Variants in ATG2B observed in about 807,000 individuals in gnomAD.
The protein encoded by ATG2B is autophagy-related protein 2 homolog B.
ATG2B carries 121 observed loss-of-function variants against 241.3 expected under a neutral mutation model. The ratio of observed to expected loss-of-function variants is 0.50; its 90% CI spans 0.43 to 0.58. The LOEUF is 0.58. Among genes scored for constraint, ATG2B ranks in the 20% least tolerant of loss-of-function variants. ATG2B has a pLI of 0.00. For synonymous variants in ATG2B, 858 were observed against 876.6 expected, an observed-to-expected ratio of 0.98 and a Z score of 0.37; for missense variants, 2,306 against 2,491.6, an observed-to-expected ratio of 0.93 and a Z score of 1.59.
chr14:96,350,487 T>C (rs1412887942), intron 1 of ATG2B, among the ~76,000 whole-genome samples: 1 of 152,192 alleles, frequency 6.6e-6, no homozygotes, highest in African/African-American at 2.4e-5. Context: ...AAAGTACTAG[T>C]GATCCCATTA....
intron 32 of ATG2B, 72 bp from the exon 33 acceptor site, chr14:96,303,327 A>C (rs1886848465): frequency 7.2e-6 from 9 of 1,248,074 alleles, no homozygotes; most frequent in Non-Finnish European, 9.6e-6. Flanking sequence ...TTTCTCTTTA[A>C]AATGCAAAAT....
At position 96,363,119 on chromosome 14, in the gene ATG2B, G is replaced by A. The variant is rs1888727371; in HGVS notation, c.-143C>T. 1.1e-6 allele frequency: 1 copy of A among 910,322 alleles called. No individual in the cohort carries two copies. The highest frequency in any genetic ancestry group is 2.5e-5 in the East Asian group (1 of 39,304). The allele number at this position is 910,322 out of a possible 1,614,324, so 56.4% of individuals were successfully genotyped here. On this transcript the variant is annotated 5_prime_UTR_variant, in exon 1 of 42. Transcript: ENST00000359933. ...CTATTTGGTGCCGGGAGTCCCTCAGGGAGACCCCATCGCCGGCGCCGCACC... is the reference window on the plus strand; with the variant it reads ...CTATTTGGTGCCGGGAGTCCCTCAGAGAGACCCCATCGCCGGCGCCGCACC...
chr14:96,362,220 C>CAGA (rs1432991799), intron 1 of ATG2B, among the ~76,000 whole-genome samples: 2 of 152,118 alleles, frequency 1.3e-5, no homozygotes, highest in African/African-American at 2.4e-5. Flanking sequence ...CTACTAGGGC[C>CAGA]AGACGACCAT....
chr14:96,336,872 T>C (rs187258043), intron 6 of ATG2B, among the ~76,000 whole-genome samples: 1 of 152,280 alleles, frequency 6.6e-6, no homozygotes, highest in East Asian at 1.9e-4. Flanking sequence ...CTTTTGACAT[T>C]GTAAAAGGAT....
At chr14:96,349,989 C>G (rs373190846) in intron 1 of ATG2B, among the ~76,000 whole-genome samples, 1 of 152,026 alleles carries the variant, frequency 6.6e-6, no homozygotes, top group East Asian at 1.9e-4. Context: ...AACCCTGACT[C>G]TACAAGAAAT....
intron 28 of ATG2B, among the ~76,000 whole-genome samples, chr14:96,310,196 AAAT>A (rs1887112027): frequency 6.6e-6 from 1 of 152,232 alleles, no homozygotes; most frequent in South Asian, 2.1e-4. Context: ...GGATAATTTA[AAAT>A]AAGAAGAATG....
Position 96,328,540 on chromosome 14 carries a change from T to TA in ATG2B, c.1975-6dup, listed in dbSNP as rs542534443. 42,877 of 992,496 alleles carry TA rather than the reference T, an allele frequency of 0.043. 2 individuals carry two copies. The highest frequency in any genetic ancestry group is 0.075 in the South Asian group (4,176 of 55,752). 61.5% of individuals were successfully genotyped at this position (992,496 alleles called of 1,614,324 possible). A position where few individuals can be genotyped will look rare whatever the true frequency, so the allele number is the denominator to read the frequency against. On this transcript the variant is annotated splice_polypyrimidine_tract_variant and splice_region_variant and intron_variant, in intron 13 of 41. Transcript: ENST00000359933. ...ACTAAGTCTTGCTTGATTACCCTTT[T>TA]AAAAAAAAAAAAGAAAAGGCATTAA... is the stretch of plus-strand genomic sequence containing the variant.
chr14:96,318,466 A>T (rs1188438494), intron 18 of ATG2B, among the ~76,000 whole-genome samples: 4 of 152,162 alleles, frequency 2.6e-5, no homozygotes, highest in Non-Finnish European at 5.9e-5. Flanking sequence ...TTCTTTTTTT[A>T]AGGCAAGTAT....
At chr14:96,350,985 T>A (rs1888302851) in intron 1 of ATG2B, among the ~76,000 whole-genome samples, 1 of 152,218 alleles carries the variant, frequency 6.6e-6, no homozygotes. Flanking sequence ...TTCTCCCTTA[T>A]GTACTGTCTA....
At chr14:96,322,076 G>A (rs1352458630) in intron 18 of ATG2B, 36 bp downstream of exon 18, 4 of 1,446,160 alleles carry the variant, frequency 2.8e-6, no homozygotes. Flanking sequence ...TAGAAAATCT[G>A]ATTCCAAAGA....
Position 96,303,139 on chromosome 14 carries a change from A to C in ATG2B, c.4959T>G (p.Arg1653=). The C allele has an allele frequency of 6.2e-7, 1 of 1,613,204 alleles. No individual in the cohort carries two copies. The highest frequency in any genetic ancestry group is 1.1e-5 in the South Asian group (1 of 90,834). The change falls in exon 33 of 42, where the codon CGT becomes CGG. Residue 1653 remains arginine, a synonymous_variant. Coordinates refer to ENST00000359933, the MANE Select transcript of ATG2B (RefSeq NM_018036.7). ...ATTTATTCATTTGTGATGTTGCCAA[A>C]CGATCTCGAATCTCAAGATCCTGAA... The part of the protein sequence containing the change: ...FIVQDLEIRD[R]LATSQMNKFL...
Position 96,316,649 on chromosome 14 carries a change from C to A in ATG2B, c.3245G>T (p.Gly1082Val). 6.2e-7 allele frequency: 1 copy of A among 1,610,640 alleles called. No individual in the cohort carries two copies. Among genetic ancestry groups the A allele is most frequent in the Non-Finnish European group, 8.5e-7 (1 of 1,178,988 alleles). Residue 1082 changes from glycine (G) to valine (V), a missense_variant, in exon 21 of 42, where the codon GGT (glycine) becomes GTT (valine). Transcript: ENST00000359933. ...ACTATTGAACTCTAACCAGAATTCA[C>A]CATGCTTGTTTTCCAACAGATCTCC... is the stretch of plus-strand genomic sequence containing the variant. ...DNGDLLENKH[G>V]EFWLEFNSGS...
intron 1 of ATG2B, among the ~76,000 whole-genome samples, chr14:96,352,814 T>C (rs1888366136): frequency 6.6e-6 from 1 of 152,066 alleles, no homozygotes; most frequent in South Asian, 2.1e-4. Context: ...ATGTCTTTAT[T>C]AATATAGTCT....
intron 1 of ATG2B, among the ~76,000 whole-genome samples, chr14:96,354,053 C>T (rs922027133): frequency 6.6e-6 from 1 of 152,118 alleles, no homozygotes; most frequent in African/African-American, 2.4e-5. Flanking sequence ...CAATTTTAAA[C>T]ATACAAGGAA....
At chr14:96,322,757 A>C (rs1887492862) in intron 16 of ATG2B, 22 bp from the exon 17 acceptor site, 1 of 1,602,984 alleles carries the variant, frequency 6.2e-7, no homozygotes, top group East Asian at 2.2e-5. Context: ...GACAATTTTA[A>C]AAAGACCAAG....
At chr14:96,287,842 T>C (rs754236053) in intron 41 of ATG2B, among the ~76,000 whole-genome samples, 1 of 152,192 alleles carries the variant, frequency 6.6e-6, no homozygotes, top group Non-Finnish European at 1.5e-5. Flanking sequence ...CCATTATTAA[T>C]AGCTCAAAGG....
At chr14:96,362,748 G>A (rs1484877566) in intron 1 of ATG2B, 67 bp downstream of exon 1, 1 of 1,485,854 alleles carries the variant, frequency 6.7e-7, no homozygotes, top group East Asian at 2.3e-5. Flanking sequence ...AATCTTGGAT[G>A]GCACTGGTTC....
Position 96,325,635 on chromosome 14 carries a change from A to G in ATG2B, c.2437+14T>C. 1 of 1,598,906 alleles carries G rather than the reference A, an allele frequency of 6.3e-7. No individual in the cohort carries two copies. The stretch of plus-strand genomic sequence containing the variant: ...TATCTAGGATGGTTCTTTTACAGGC[A>G]CATTCAATCTTACCAATTAGTTCTC... On this transcript the variant is annotated intron_variant, in intron 15 of 41. Coordinates refer to ENST00000359933, the MANE Select transcript of ATG2B (RefSeq NM_018036.7).
rs146800472 is a variant in ATG2B at position 96,306,852 on chromosome 14, G to T, written c.4368C>A (p.Asp1456Glu). 21 of 1,613,834 alleles carry T rather than the reference G, an allele frequency of 1.3e-5. No homozygotes were observed. Among genetic ancestry groups the T allele is most frequent in the Non-Finnish European group, 1.8e-5 (21 of 1,180,008 alleles). Residue 1456 changes from aspartate to glutamate, a missense_variant, in exon 30 of 42, where the codon GAC (aspartate) becomes GAA (glutamate). Physicochemically the swap from Asp to Glu is conservative, Grantham distance 45. Transcript: ENST00000359933. ...ACTCCTGGGATACATTCCCACTCTC[G>T]TCAGGAAACAGGAAGAGGTCTGAAC... ...PCCSDLFLFP[D>E]ESGNVSQESG...
Sources: gnomAD v4.1 joint callset for allele counts (sites outside exome capture counted in the v4.1 genomes callset) on GRCh38, gnomAD v4.1.1 for gene constraint, MANE v1.5 for transcripts, NCBI Gene and HGNC (gene_info 2026-07-23, HGNC 2026-07-21) for gene names.